The following JAKMIP3 variants were observed in gnomAD, a reference collection of about 807,000 sequenced individuals.
The protein encoded by JAKMIP3 is janus kinase and microtubule-interacting protein 3.
A neutral mutation model predicts 118.5 loss-of-function variants in JAKMIP3; 58 were observed. The observed-to-expected ratio is 0.49, with a 90% CI of 0.40 to 0.61. The LOEUF (loss-of-function observed/expected upper bound fraction) is 0.61, where lower values mean the gene tolerates loss of function less well. Ranked by LOEUF, JAKMIP3 falls within the 20% of genes least tolerant of loss-of-function variation. The pLI is 0.00. For synonymous variants in JAKMIP3, 486 were observed against 451.2 expected (o/e 1.08, Z -0.98); for missense variants, 950 against 1,109.0 (o/e 0.86, Z 2.04).
At chr10:132,078,579 C>T (rs1352525045) in intron 1 of JAKMIP3, among the ~76,000 whole-genome samples, 5 of 150,582 alleles carry the variant, frequency 3.3e-5, no homozygotes, top group African/African-American at 1.2e-4. Context: ...GCGCATAACA[C>T]GCCCCCTTTC....
At chr10:132,106,502 C>T (rs923336937) in intron 2 of JAKMIP3, among the ~76,000 whole-genome samples, 14 of 152,154 alleles carry the variant, frequency 9.2e-5, no homozygotes, top group Non-Finnish European at 2.1e-4. Flanking sequence ...TGGGGATGAA[C>T]ACAGCCTGTG....
chr10:132,109,162 TAAAAA>T (rs1158853156), intron 2 of JAKMIP3, among the ~76,000 whole-genome samples: 10 of 148,376 alleles, frequency 6.7e-5, no homozygotes, highest in South Asian at 2.2e-4. Context: ...ACACATATAT[TAAAAA>T]AAACTGGGCA....
At chr10:132,064,319 C>T (rs1342632050), upstream of JAKMIP3, among the ~76,000 whole-genome samples, 2 of 152,204 alleles carry the variant, frequency 1.3e-5, no homozygotes, top group African/African-American at 2.4e-5. The surrounding 1 kb of genome is among the most constrained non-coding windows in gnomAD (Gnocchi z 4.4). Context: ...GTTGTTTCCC[C>T]AGGATCAATT....
At chr10:132,125,435 G>T (rs1164057249) in intron 3 of JAKMIP3, among the ~76,000 whole-genome samples, 1 of 152,268 alleles carries the variant, frequency 6.6e-6, no homozygotes, top group Non-Finnish European at 1.5e-5. Flanking sequence ...CTGGTGCTCC[G>T]CCTTGCGGCG....
intron 1 of JAKMIP3, among the ~76,000 whole-genome samples, chr10:132,038,067 T>A (rs990901171): frequency 1.3e-5 from 2 of 152,232 alleles, no homozygotes; most frequent in Admixed American, 6.5e-5. Flanking sequence ...GGATATAGTT[T>A]GTTTTAAGTA....
intron 1 of JAKMIP3, among the ~76,000 whole-genome samples, chr10:132,071,679 A>T (rs757987118): frequency 1.6e-4 from 24 of 152,292 alleles, no homozygotes; most frequent in Non-Finnish European, 2.6e-4. Flanking sequence ...TGACTCCTGT[A>T]TCATTATGTA....
intron 23 of JAKMIP3, among the ~76,000 whole-genome samples, 164 bp downstream of exon 23, chr10:132,169,197 G>A (rs2059225218): frequency 6.6e-6 from 1 of 152,214 alleles, no homozygotes; most frequent in Non-Finnish European, 1.5e-5. Flanking sequence ...ACGGGACAGG[G>A]CCTGGGGGCT....
intron 2 of JAKMIP3, among the ~76,000 whole-genome samples, chr10:132,106,171 C>CA (rs113058433): frequency 0.22 from 33,343 of 149,846 alleles, 4,150 homozygotes; most frequent in African/African-American, 0.35. Flanking sequence ...CTCATCTCTA[C>CA]AAAAAAAAAT....
intron 3 of JAKMIP3, among the ~76,000 whole-genome samples, chr10:132,130,523 G>A (rs893804731): frequency 3.9e-5 from 6 of 152,216 alleles, no homozygotes; most frequent in South Asian, 2.1e-4. Flanking sequence ...TGTGAGTGAC[G>A]CCTGCCAGAC....
At chr10:132,114,602 T>A (rs1170375594) in intron 2 of JAKMIP3, among the ~76,000 whole-genome samples, 1 of 152,220 alleles carries the variant, frequency 6.6e-6, no homozygotes. Context: ...TGCATTTCCA[T>A]CTACATTTTA....
At chr10:132,088,107 T>C (rs935829534) in intron 1 of JAKMIP3, among the ~76,000 whole-genome samples, 4 of 152,094 alleles carry the variant, frequency 2.6e-5, no homozygotes, top group African/African-American at 9.7e-5. Context: ...CAGTCTATCA[T>C]TGATGGACAT....
chr10:132,154,740 C>T (rs1291509465), intron 19 of JAKMIP3, among the ~76,000 whole-genome samples: 2 of 151,824 alleles, frequency 1.3e-5, no homozygotes, highest in African/African-American at 4.8e-5. Context: ...ATTCCTGGGG[C>T]CAAGTTCAGC....
intron 1 of JAKMIP3, among the ~76,000 whole-genome samples, chr10:132,103,458 G>A (rs1425764077): frequency 2.1e-5 from 2 of 95,088 alleles, no homozygotes; most frequent in African/African-American, 5.5e-5. Flanking sequence ...AGCAGCTGGG[G>A]GGGGGAGGAG....
rs3068079 is a variant in JAKMIP3 at position 132,071,160 on chromosome 10, A to AGTGTGTGTGT, written c.-138+5122_-138+5131dup. On this transcript the variant is annotated intron_variant, in intron 1 of 23. Transcript: ENST00000684848. ...TTCTTTCACCTATGGGTCATTTAAAAGTGTGTGTGTGTGTGTGTGTGTGTG... is the reference window on the plus strand; with the variant it reads ...TTCTTTCACCTATGGGTCATTTAAAAGTGTGTGTGTGTGTGTGTGTGTGTGTGTGTGTGTG... Among the ~76,000 whole-genome samples, 1,348 of 149,126 alleles carry AGTGTGTGTGT rather than the reference A, an allele frequency of 9.0e-3. 7 individuals are homozygous for AGTGTGTGTGT. The highest frequency in any genetic ancestry group is 0.025 in the South Asian group (115 of 4,622).
intron 2 of JAKMIP3, among the ~76,000 whole-genome samples, chr10:132,109,211 G>A (rs1273404283): frequency 6.6e-6 from 1 of 151,978 alleles, no homozygotes; most frequent in Non-Finnish European, 1.5e-5. Flanking sequence ...AGCTACGTGG[G>A]AGGATGGCTT....
At position 132,168,414 on chromosome 10, in the gene JAKMIP3, G is replaced by A. The variant is rs138837481; in HGVS notation, c.*484G>A. On this transcript the variant is annotated 3_prime_UTR_variant, in exon 23 of 24. Transcript: ENST00000684848. ...CCTGATGACAAGATGAAAGCTGGACGGTGACCTTCATTCAGGGGAACCTGG... is the reference window on the plus strand; with the variant it reads ...CCTGATGACAAGATGAAAGCTGGACAGTGACCTTCATTCAGGGGAACCTGG... The A allele has an allele frequency of 6.1e-5, 79 of 1,288,622 alleles. No homozygotes were observed. Among genetic ancestry groups the A allele is most frequent in the African/African-American group, 5.9e-4 (39 of 65,964 alleles). The allele number at this position is 1,288,622 out of a possible 1,614,324, so 79.8% of individuals were successfully genotyped here.
chr10:132,092,766 C>T (rs2134452714), intron 1 of JAKMIP3, among the ~76,000 whole-genome samples: 1 of 152,332 alleles, frequency 6.6e-6, no homozygotes, highest in South Asian at 2.1e-4. Flanking sequence ...CTTCTGTCAA[C>T]TCATCAAAGT....
upstream of JAKMIP3, among the ~76,000 whole-genome samples, chr10:132,063,322 C>T (rs1460337456): frequency 6.6e-6 from 1 of 152,158 alleles, no homozygotes. Context: ...CCTCAGAACA[C>T]GTCCTGGGGG....
chr10:132,041,479 C>T (rs903253422), intron 1 of JAKMIP3, among the ~76,000 whole-genome samples: 7 of 152,230 alleles, frequency 4.6e-5, no homozygotes, highest in Admixed American at 3.9e-4. Context: ...ACGGGCACAG[C>T]GGTAAACACC....
Sources: allele counts gnomAD v4.1 joint callset (sites outside exome capture counted in the v4.1 genomes callset), GRCh38; gene constraint gnomAD v4.1.1; non-coding constraint Gnocchi (gnomAD v3.1); transcripts MANE v1.5; gene names NCBI Gene and HGNC (gene_info 2026-07-23, HGNC 2026-07-21).